Variants in ASIC2 observed in about 807,000 individuals in gnomAD.
ASIC2 encodes acid-sensing ion channel 2.
A neutral mutation model predicts 57.3 loss-of-function variants in ASIC2; 25 were observed. The ratio of observed to expected loss-of-function variants is 0.44; its 90% CI spans 0.32 to 0.61. The LOEUF (loss-of-function observed/expected upper bound fraction) is 0.61. Ranked by LOEUF, ASIC2 falls within the 20% of genes least tolerant of loss-of-function variation. The pLI, the probability that ASIC2 is intolerant of heterozygous loss-of-function variation, is 0.06. For synonymous variants in ASIC2, 319 were observed against 307.5 expected, an observed-to-expected ratio of 1.04 and a Z score of -0.39; for missense variants, 641 against 738.1, an observed-to-expected ratio of 0.87 and a Z score of 1.52.
intron 1 of ASIC2, among the ~76,000 whole-genome samples, chr17:33,907,258 G>A (rs1466262074): frequency 6.6e-6 from 1 of 152,148 alleles, no homozygotes; most frequent in Non-Finnish European, 1.5e-5. Context: ...GGATCCTGGG[G>A]GTCAGGCGAT....
chr17:33,321,047 G>A (rs1284324095), intron 1 of ASIC2, among the ~76,000 whole-genome samples: 1 of 152,158 alleles, frequency 6.6e-6, no homozygotes, highest in African/African-American at 2.4e-5. Context: ...CCTTGTTCAA[G>A]GCTTTCGGTG....
At chr17:34,072,555 T>C (rs1909455728) in intron 1 of ASIC2, among the ~76,000 whole-genome samples, 1 of 152,196 alleles carries the variant, frequency 6.6e-6, no homozygotes, top group African/African-American at 2.4e-5. Flanking sequence ...ATGAAAAATA[T>C]ACAAACTAAT....
At chr17:33,885,384 T>G (rs534971035) in intron 1 of ASIC2, among the ~76,000 whole-genome samples, 2 of 152,302 alleles carry the variant, frequency 1.3e-5, no homozygotes, top group Admixed American at 6.5e-5. Context: ...CAAAGCAAGC[T>G]CTCAAAAACG....
At position 33,174,133 on chromosome 17, in the gene ASIC2, T is replaced by C. The variant is rs942978347; in HGVS notation, c.709-62066A>G. Among the ~76,000 whole-genome samples the C allele has an allele frequency of 3.3e-5, 5 of 152,086 alleles. No individual in the cohort carries two copies. The East Asian group carries it at 9.7e-4, about 30-fold the overall frequency. ...AGTTCAACCAGTTCTGAAAATCAAA[T>C]CCATGGGGCCAGGCACGGTGGTTCA... is the stretch of plus-strand genomic sequence containing the variant. On this transcript the variant is annotated intron_variant, in intron 1 of 9. Transcript: ENST00000225823.
At chr17:33,025,510 C>T (rs1011711527) in intron 5 of ASIC2, among the ~76,000 whole-genome samples, 2 of 152,164 alleles carry the variant, frequency 1.3e-5, no homozygotes, top group African/African-American at 4.8e-5. Flanking sequence ...TTGGCCTCCC[C>T]ATGTAGACAC....
At chr17:33,448,540 G>A (rs974416430) in intron 1 of ASIC2, among the ~76,000 whole-genome samples, 1 of 152,212 alleles carries the variant, frequency 6.6e-6, no homozygotes, top group African/African-American at 2.4e-5. Flanking sequence ...GAGGATGGAG[G>A]CAGATACTGG....
intron 1 of ASIC2, among the ~76,000 whole-genome samples, chr17:33,725,721 A>ACCCC (rs3064573): frequency 7.7e-6 from 1 of 130,602 alleles, no homozygotes; most frequent in Admixed American, 7.8e-5. Flanking sequence ...CTATTAAGAA[A>ACCCC]CCCCCCCCCC....
rs551774969 is a variant in ASIC2, at chr17:34,126,290, T to A, written c.555+29688A>T. 9.2e-5 allele frequency among the ~76,000 whole-genome samples: 14 copies of A among 152,284 alleles called. No individual in the cohort carries two copies. In the South Asian group the frequency reaches 2.5e-3, roughly 27 times the overall value. ...AGGCTACACCAGTGAGACTTAGGCA[T>A]CATCTGTGACAGTTATTAGCCCACT... On this transcript the variant is annotated intron_variant, in intron 1 of 9. Coordinates refer to the ASIC2 transcript ENST00000359872.
intron 1 of ASIC2, among the ~76,000 whole-genome samples, chr17:33,473,856 C>A (rs1196187461): frequency 6.6e-6 from 1 of 152,010 alleles, no homozygotes; most frequent in Non-Finnish European, 1.5e-5. Flanking sequence ...GACCTGTCCA[C>A]CCCCCATCAC....
chr17:34,055,658 T>C (rs1162552400), intron 1 of ASIC2, among the ~76,000 whole-genome samples: 1 of 152,230 alleles, frequency 6.6e-6, no homozygotes, highest in African/African-American at 2.4e-5. Context: ...TTTTCTTGTG[T>C]CTTTTACTCA....
chr17:33,137,278 T>C (rs1266980653), intron 1 of ASIC2, among the ~76,000 whole-genome samples: 1 of 152,230 alleles, frequency 6.6e-6, no homozygotes, highest in East Asian at 1.9e-4. Context: ...TTAAAGATGT[T>C]TATTTCTTAC....
intron 3 of ASIC2, among the ~76,000 whole-genome samples, chr17:33,043,778 G>A (rs923986883): frequency 2.6e-5 from 4 of 152,172 alleles, no homozygotes; most frequent in South Asian, 2.1e-4. Flanking sequence ...CCTGACTGGC[G>A]TTTGGACAAT....
At chr17:34,045,427 C>T (rs745337782) in intron 1 of ASIC2, among the ~76,000 whole-genome samples, 5 of 152,198 alleles carry the variant, frequency 3.3e-5, no homozygotes, top group Non-Finnish European at 5.9e-5. Flanking sequence ...CCCCTAATCT[C>T]TCTTCTACCT....
chr17:33,412,474 A>G (rs892428165), intron 1 of ASIC2, among the ~76,000 whole-genome samples: 2 of 152,214 alleles, frequency 1.3e-5, no homozygotes, highest in Non-Finnish European at 2.9e-5. Flanking sequence ...ACAGTCCTTG[A>G]GGTCCACATT....
intron 1 of ASIC2, among the ~76,000 whole-genome samples, chr17:33,728,356 C>A (rs186641072): frequency 1.1e-3 from 167 of 152,208 alleles, no homozygotes; most frequent in African/African-American, 4.0e-3. Context: ...AAAATTGTAC[C>A]CTGATTTGGC....
At chr17:33,056,551 T>C (rs1432066327) in intron 3 of ASIC2, among the ~76,000 whole-genome samples, 1 of 152,156 alleles carries the variant, frequency 6.6e-6, no homozygotes, top group East Asian at 1.9e-4. Context: ...CCTTATACCC[T>C]GCTGTCAGAG....
intron 1 of ASIC2, among the ~76,000 whole-genome samples, chr17:33,562,304 ATC>A (rs1339755951): frequency 1.1e-4 from 16 of 151,710 alleles, no homozygotes; most frequent in African/African-American, 3.4e-4. Context: ...CATCTGATTT[ATC>A]TCTGTCGCTT....
chr17:33,782,015 T>A (rs1175715401), intron 1 of ASIC2, among the ~76,000 whole-genome samples: 5 of 152,180 alleles, frequency 3.3e-5, no homozygotes, highest in African/African-American at 1.2e-4. Flanking sequence ...CCTCTTGCAA[T>A]GCATTCTCCC....
chr17:34,133,635 T>A (rs758131086), intron 1 of ASIC2, among the ~76,000 whole-genome samples: 2 of 152,208 alleles, frequency 1.3e-5, no homozygotes, highest in African/African-American at 4.8e-5. Context: ...GGTGAAACAT[T>A]CTTGTGAGGC....
Sources: allele counts gnomAD v4.1 joint callset (sites outside exome capture counted in the v4.1 genomes callset), GRCh38; gene constraint gnomAD v4.1.1; transcripts MANE v1.5; gene names NCBI Gene and HGNC (gene_info 2026-07-23, HGNC 2026-07-21).